The following ADAM18 variants were observed in gnomAD, a reference collection of about 807,000 sequenced individuals.
ADAM18 encodes the protein disintegrin and metalloproteinase domain-containing protein 18.
A neutral mutation model predicts 94.4 loss-of-function variants in ADAM18; 117 were observed. The observed-to-expected ratio is 1.24, with a 90% CI of 1.07 to 1.45. ADAM18 has a LOEUF of 1.45. Ranked by LOEUF, ADAM18 falls within the 40% of genes most tolerant of loss-of-function variation. The probability of loss-of-function intolerance (pLI) is 0.00; values close to 1 mark genes in which losing one functional copy is unlikely to be tolerated. For synonymous variants in ADAM18, 327 were observed against 291.6 expected (o/e 1.12, Z -1.24); for missense variants, 936 against 880.0 (o/e 1.06, Z -0.81).
chr8:39,727,899 A>G (rs989605751), intron 19 of ADAM18, among the ~76,000 whole-genome samples: 2 of 152,160 alleles, frequency 1.3e-5, no homozygotes, highest in African/African-American at 2.4e-5. Flanking sequence ...TGAGAAATTG[A>G]GGTCAATTTA....
chr8:39,683,492 T>G (rs971836857), intron 16 of ADAM18, among the ~76,000 whole-genome samples: 3 of 152,252 alleles, frequency 2.0e-5, no homozygotes, highest in Non-Finnish European at 2.9e-5. Context: ...TATGAGAAAC[T>G]GCTAGAATCT....
In ADAM18 at chr8:39,609,225, T is replaced by C. The variant is rs1819187097; in HGVS notation, c.267+105T>C. On this transcript the variant is annotated intron_variant, in intron 4 of 19. Coordinates refer to ENST00000265707, the MANE Select transcript of ADAM18 (RefSeq NM_014237.3). Reference sequence around the variant, plus strand: ...TACAAATGTTTTATCCTTACTGACATGTTACTGACTTTTGTACATAGAAAT... The same window carrying C: ...TACAAATGTTTTATCCTTACTGACACGTTACTGACTTTTGTACATAGAAAT... 4.7e-6 allele frequency: 4 copies of C among 855,604 alleles called. No individual in the cohort carries two copies. In the African/African-American group the frequency reaches 5.2e-5, roughly 11 times the overall value. The allele number at this position is 855,604 out of a possible 1,614,324, so 53.0% of individuals were successfully genotyped here.
At chr8:39,595,913 T>C (rs183532570) in intron 2 of ADAM18, among the ~76,000 whole-genome samples, 1 of 152,336 alleles carries the variant, frequency 6.6e-6, no homozygotes, top group Admixed American at 6.5e-5. Context: ...TATTTTTCAA[T>C]TATATTCCCA....
chr8:39,637,017 TTTTA>T (rs869282782), intron 7 of ADAM18, among the ~76,000 whole-genome samples: 20,712 of 84,682 alleles, frequency 0.24, 1,909 homozygotes, highest in South Asian at 0.42. Flanking sequence ...CATGTGTGTA[TTTTA>T]TATATATATA....
chr8:39,628,448 G>GATAC (rs941121496), intron 6 of ADAM18, among the ~76,000 whole-genome samples: 2 of 150,804 alleles, frequency 1.3e-5, no homozygotes, highest in Non-Finnish European at 2.9e-5. Context: ...TAGATAGATA[G>GATAC]ATAGATAGAT....
intron 17 of ADAM18, among the ~76,000 whole-genome samples, chr8:39,699,023 C>G (rs947791569): frequency 6.6e-6 from 1 of 152,062 alleles, no homozygotes; most frequent in Non-Finnish European, 1.5e-5. Context: ...CACAACTCCA[C>G]TTTCCAACCC....
In ADAM18 at chr8:39,629,400, C is replaced by A; in HGVS notation, c.549C>A (p.Pro183=). The A allele has an allele frequency of 6.3e-7, 1 of 1,583,878 alleles. No homozygotes were observed. The highest frequency in any genetic ancestry group is 8.6e-7 in the Non-Finnish European group (1 of 1,163,128). The change falls in exon 7 of 20, where the codon CCC becomes CCA. Residue 183 remains proline, a synonymous_variant. Transcript: ENST00000265707. ...SQIKNLSKLL[P]QYLEIYIIVE... is the part of the protein sequence containing the mutation. Reference sequence around the variant, plus strand: ...TAAAAAATCTTTCAAAACTATTACCCCAATATCTGGAAATATACATTATAG... The same window carrying A: ...TAAAAAATCTTTCAAAACTATTACCACAATATCTGGAAATATACATTATAG...
chr8:39,693,956 A>T (rs1291073525), intron 17 of ADAM18, among the ~76,000 whole-genome samples: 1 of 151,262 alleles, frequency 6.6e-6, no homozygotes, highest in Non-Finnish European at 1.5e-5. Context: ...AGGTGTTCTG[A>T]AATACCATTA....
intron 18 of ADAM18, among the ~76,000 whole-genome samples, chr8:39,708,500 C>T (rs1822302794): frequency 6.6e-6 from 1 of 152,116 alleles, no homozygotes; most frequent in African/African-American, 2.4e-5. Flanking sequence ...AATATAAATG[C>T]ATTTCTTTAA....
chr8:39,675,557 A>T (rs954242895), intron 14 of ADAM18, among the ~76,000 whole-genome samples: 1 of 152,034 alleles, frequency 6.6e-6, no homozygotes, highest in Non-Finnish European at 1.5e-5. Flanking sequence ...CTTCCTTGTG[A>T]TGGGTTTTAA....
intron 18 of ADAM18, among the ~76,000 whole-genome samples, chr8:39,721,652 A>G (rs950072458): frequency 8.6e-5 from 13 of 151,722 alleles, no homozygotes; most frequent in African/African-American, 2.9e-4. Flanking sequence ...CAAAAAACAT[A>G]TGAAGAAATG....
intron 2 of ADAM18, among the ~76,000 whole-genome samples, chr8:39,596,126 T>C (rs932124753): frequency 6.6e-6 from 1 of 152,202 alleles, no homozygotes; most frequent in Non-Finnish European, 1.5e-5. Context: ...ACTGTCCTTA[T>C]GGATGTGCGG....
chr8:39,673,476 C>G (rs891135302), intron 14 of ADAM18, among the ~76,000 whole-genome samples: 1 of 151,620 alleles, frequency 6.6e-6, no homozygotes, highest in Admixed American at 6.6e-5. Flanking sequence ...CCACACCCCA[C>G]CCCCCAACAA....
intron 15 of ADAM18, 144 bp downstream of exon 15, chr8:39,677,680 C>G: frequency 1.6e-6 from 1 of 612,470 alleles, no homozygotes; most frequent in Non-Finnish European, 2.7e-6. Context: ...CTATGAAATT[C>G]AGGATTTTCT....
rs1301679677 is a variant in ADAM18 at position 39,709,624 on chromosome 8, C to T, written c.2017+2720C>T. 2.6e-5 allele frequency among the ~76,000 whole-genome samples: 4 copies of T among 152,118 alleles called. No individual in the cohort carries two copies. The East Asian group carries it at 7.7e-4, about 29-fold the overall frequency. ...TTATTCATTCATTCATACATTCCCT[C>T]CACAGACATGTTATTGGGTGTCTGG... On this transcript the variant is annotated intron_variant, in intron 18 of 19. Transcript: ENST00000265707.
chr8:39,629,222 G>A, intron 6 of ADAM18, 152 bp from the exon 7 acceptor site: 1 of 569,704 alleles, frequency 1.8e-6, no homozygotes, highest in Non-Finnish European at 3.1e-6. Context: ...AATATGTTTT[G>A]AAGTAAAATT....
chr8:39,693,001 T>C (rs952530827), intron 17 of ADAM18, among the ~76,000 whole-genome samples: 2 of 151,638 alleles, frequency 1.3e-5, no homozygotes, highest in Admixed American at 6.6e-5. Context: ...CATATGAGTA[T>C]ACAATATTTT....
intron 12 of ADAM18, among the ~76,000 whole-genome samples, chr8:39,659,043 T>A (rs1820764378): frequency 6.6e-6 from 1 of 152,158 alleles, no homozygotes; most frequent in African/African-American, 2.4e-5. Context: ...CTAGAAAACA[T>A]TTAAAATAGT....
chr8:39,596,571 C>T (rs1818744808), intron 2 of ADAM18, among the ~76,000 whole-genome samples: 1 of 152,102 alleles, frequency 6.6e-6, no homozygotes, highest in Non-Finnish European at 1.5e-5. Flanking sequence ...TTTATGTATA[C>T]CTACTGAAGG....
Sources: allele counts gnomAD v4.1 joint callset (sites outside exome capture counted in the v4.1 genomes callset), GRCh38; gene constraint gnomAD v4.1.1; transcripts MANE v1.5; gene names NCBI Gene and HGNC (gene_info 2026-07-23, HGNC 2026-07-21).